Variants in ARMC3 observed in about 807,000 individuals in gnomAD.
ARMC3 encodes armadillo repeat-containing protein 3.
ARMC3 carries 74 observed loss-of-function variants against 90.3 expected under a neutral mutation model. The ratio of observed to expected loss-of-function variants is 0.82; its 90% CI spans 0.68 to 0.99. The LOEUF (loss-of-function observed/expected upper bound fraction) is 0.99, where lower values mean the gene tolerates loss of function less well. Among genes scored for constraint, ARMC3 ranks in the 50% least tolerant of loss-of-function variants. The pLI is 0.00. For synonymous variants in ARMC3, 334 were observed against 361.8 expected, an observed-to-expected ratio of 0.92 and a Z score of 0.87; for missense variants, 958 against 1,042.8, an observed-to-expected ratio of 0.92 and a Z score of 1.12.
intron 6 of ARMC3, chr10:22,960,147 A>C (rs1461925969): frequency 4.9e-6 from 1 of 204,208 alleles, no homozygotes; most frequent in South Asian, 5.3e-5. Context: ...CAGAATACAC[A>C]CACATACACA....
rs571205207 is a variant in ARMC3, at chr10:23,006,391, A to T, written c.1732-493A>T. ...CAAAGGACCATGAAATGTATCTTGG[A>T]TGAGAAAGGGATTCAACTATAACTT... On this transcript the variant is annotated intron_variant, in intron 13 of 18. Coordinates refer to ENST00000298032, the MANE Select transcript of ARMC3 (RefSeq NM_173081.5). 1.9e-3 allele frequency among the ~76,000 whole-genome samples: 286 copies of T among 152,338 alleles called. 1 individual carries two copies. Among genetic ancestry groups the T allele is most frequent in the Non-Finnish European group, 2.5e-3 (170 of 68,028 alleles).
chr10:23,001,722 C>T (rs550573420), intron 11 of ARMC3, among the ~76,000 whole-genome samples, 197 bp from the exon 12 acceptor site: 4 of 152,126 alleles, frequency 2.6e-5, no homozygotes, highest in East Asian at 1.9e-4. Flanking sequence ...TCCCAGGGCC[C>T]GAAAACCGGG....
At chr10:23,024,520 C>T (rs1838637755) in intron 16 of ARMC3, among the ~76,000 whole-genome samples, 3 of 152,210 alleles carry the variant, frequency 2.0e-5, no homozygotes, top group Admixed American at 2.0e-4. Context: ...ACATCTTATA[C>T]TCAAGACAAT....
chr10:22,970,769 C>G (rs1835649241), intron 8 of ARMC3, among the ~76,000 whole-genome samples: 1 of 152,106 alleles, frequency 6.6e-6, no homozygotes, highest in Admixed American at 6.5e-5. Context: ...AGGATGAGGC[C>G]AGGTTTCTGG....
intron 10 of ARMC3, among the ~76,000 whole-genome samples, chr10:22,988,202 T>C (rs1041352176): frequency 4.1e-4 from 63 of 152,374 alleles, no homozygotes; most frequent in African/African-American, 1.4e-3. Flanking sequence ...TTAGAATTAT[T>C]CATGGAGTAT....
rs369167346 is a variant in ARMC3 at position 22,998,413 on chromosome 10, A to C, written c.1425+16A>C. 1 of 1,612,652 alleles carries C rather than the reference A, an allele frequency of 6.2e-7. No individual in the cohort carries two copies. The highest frequency in any genetic ancestry group is 2.2e-5 in the East Asian group (1 of 44,866). On this transcript the variant is annotated intron_variant, in intron 11 of 18. Coordinates refer to ENST00000298032, the MANE Select transcript of ARMC3 (RefSeq NM_173081.5). The stretch of plus-strand genomic sequence containing the variant: ...CCGGACTGAGGTGAGAATTTTAATA[A>C]CATGTGTTCTCTCATTTTTCTGGTT...
intron 2 of ARMC3, 48 bp from the exon 3 acceptor site, chr10:22,946,095 AT>A: frequency 1.5e-6 from 2 of 1,326,660 alleles, no homozygotes; most frequent in East Asian, 2.3e-5. Flanking sequence ...TTTTAATGTG[AT>A]TTTTAAAGCT....
At chr10:23,024,289 T>C (rs1838624543) in intron 16 of ARMC3, among the ~76,000 whole-genome samples, 1 of 152,012 alleles carries the variant, frequency 6.6e-6, no homozygotes, top group African/African-American at 2.4e-5. Flanking sequence ...CTAAACAACT[T>C]ACAGTTAGCA....
chr10:22,977,852 T>C (rs999848957), intron 8 of ARMC3, among the ~76,000 whole-genome samples: 2 of 152,230 alleles, frequency 1.3e-5, no homozygotes, highest in Admixed American at 6.5e-5. Context: ...TATGAATGAA[T>C]GCTCTTCTCA....
intron 10 of ARMC3, 120 bp from the exon 11 acceptor site, chr10:22,998,028 A>T: frequency 4.0e-6 from 5 of 1,249,608 alleles, no homozygotes; most frequent in Non-Finnish European, 4.3e-6. Context: ...TGCATGGCAA[A>T]TTAATTTATT....
intron 1 of ARMC3, among the ~76,000 whole-genome samples, chr10:22,929,908 TGCAATACTGTCTGTGTAA>T (rs1833865435): frequency 1.3e-5 from 2 of 152,300 alleles, no homozygotes; most frequent in South Asian, 4.1e-4. Flanking sequence ...ACTCTATCAT[TGCAATACTGTCTGTGTAA>T]GCTCTTCTAA....
chr10:23,007,334 G>A (rs950877099), intron 14 of ARMC3, among the ~76,000 whole-genome samples: 2 of 152,238 alleles, frequency 1.3e-5, no homozygotes, highest in South Asian at 2.1e-4. Context: ...ATGTGCTGGA[G>A]TACAGTTACC....
At chr10:22,935,191 G>C (rs150262672) in intron 2 of ARMC3, among the ~76,000 whole-genome samples, 143 of 152,250 alleles carry the variant, frequency 9.4e-4, no homozygotes, top group African/African-American at 2.4e-3. Context: ...AGCAGGGTGA[G>C]TATAGAATCA....
At chr10:23,027,584 G>C (rs555918719) in intron 16 of ARMC3, among the ~76,000 whole-genome samples, 36 of 152,088 alleles carry the variant, frequency 2.4e-4, no homozygotes, top group Non-Finnish European at 5.1e-4. Flanking sequence ...TTTGTGTTTA[G>C]TTTTCAAGAG....
At chr10:22,973,912 C>A (rs1005597266) in intron 8 of ARMC3, among the ~76,000 whole-genome samples, 3 of 151,698 alleles carry the variant, frequency 2.0e-5, no homozygotes, top group Non-Finnish European at 2.9e-5. Flanking sequence ...GTGCCTGCCA[C>A]CAGGCCCAGC....
At chr10:23,012,585 C>A (rs544003643) in intron 16 of ARMC3, among the ~76,000 whole-genome samples, 131 of 152,244 alleles carry the variant, frequency 8.6e-4, no homozygotes, top group African/African-American at 3.0e-3. Context: ...CTCCCTCCCC[C>A]TCTCTTCCCT....
chr10:23,013,533 G>T (rs1838121532), intron 16 of ARMC3, among the ~76,000 whole-genome samples: 1 of 152,102 alleles, frequency 6.6e-6, no homozygotes, highest in Non-Finnish European at 1.5e-5. Context: ...TGATATCTGT[G>T]TACACTGTGA....
At chr10:22,942,215 G>A (rs1176181843) in intron 2 of ARMC3, among the ~76,000 whole-genome samples, 2 of 152,220 alleles carry the variant, frequency 1.3e-5, no homozygotes, top group Admixed American at 6.5e-5. Flanking sequence ...AATCTCTGTA[G>A]TGGGAGTAGT....
intron 2 of ARMC3, among the ~76,000 whole-genome samples, chr10:22,943,400 T>C (rs901634841): frequency 3.3e-5 from 5 of 152,200 alleles, no homozygotes; most frequent in African/African-American, 4.8e-5. Context: ...TTTCTGGCAG[T>C]GTGGAACTTT....
Sources: allele counts gnomAD v4.1 joint callset (sites outside exome capture counted in the v4.1 genomes callset), GRCh38; gene constraint gnomAD v4.1.1; transcripts MANE v1.5; gene names NCBI Gene and HGNC (gene_info 2026-07-23, HGNC 2026-07-21).